NAALADL2: variants seen among roughly 807,000 people sequenced by gnomAD.
NAALADL2 encodes inactive N-acetylated-alpha-linked acidic dipeptidase-like protein 2.
A neutral mutation model predicts 87.2 loss-of-function variants in NAALADL2; 76 were observed. The observed-to-expected ratio is 0.87, with a 90% CI of 0.72 to 1.05. NAALADL2 has a LOEUF of 1.05. Ranked by LOEUF, NAALADL2 falls within the 50% of genes least tolerant of loss-of-function variation. The pLI is 0.00. For synonymous variants in NAALADL2, 354 were observed against 331.0 expected (o/e 1.07, Z -0.75); for missense variants, 1,089 against 945.8 (o/e 1.15, Z -1.99).
chr3:175,152,816 A>G (rs1411432821), intron 2 of NAALADL2, among the ~76,000 whole-genome samples: 1 of 152,068 alleles, frequency 6.6e-6, no homozygotes, highest in Non-Finnish European at 1.5e-5. Context: ...CTGAGGCAGG[A>G]GAATTGCTTG....
chr3:175,297,740 C>A (rs578166311), intron 4 of NAALADL2, among the ~76,000 whole-genome samples: 63 of 152,208 alleles, frequency 4.1e-4, no homozygotes, highest in African/African-American at 1.4e-3. Flanking sequence ...TACTAACATA[C>A]CCACATGTAG....
intron 1 of NAALADL2, among the ~76,000 whole-genome samples, chr3:174,457,087 TAAG>T (rs1366055621): frequency 6.6e-6 from 1 of 151,816 alleles, no homozygotes; most frequent in Non-Finnish European, 1.5e-5. Context: ...ATATGGTCAA[TAAG>T]AATATGAAAA....
intron 1 of NAALADL2, among the ~76,000 whole-genome samples, chr3:174,917,825 C>A (rs2108334712): frequency 6.6e-6 from 1 of 151,884 alleles, no homozygotes; most frequent in African/African-American, 2.4e-5. Flanking sequence ...GATATTTGTG[C>A]ATGTCAGACT....
intron 9 of NAALADL2, among the ~76,000 whole-genome samples, chr3:175,484,989 AGAATG>A (rs1727043846): frequency 6.6e-6 from 1 of 152,186 alleles, no homozygotes; most frequent in Non-Finnish European, 1.5e-5. Flanking sequence ...GTATTGGTTA[AGAATG>A]GGTAACAGTA....
At chr3:175,680,980 G>A (rs911530170) in intron 11 of NAALADL2, among the ~76,000 whole-genome samples, 6 of 152,054 alleles carry the variant, frequency 3.9e-5, no homozygotes, top group Admixed American at 2.6e-4. Flanking sequence ...GGGTGTGGTG[G>A]TGCACACCTG....
intron 3 of NAALADL2, among the ~76,000 whole-genome samples, chr3:174,846,028 T>G (rs1260161990): frequency 1.3e-5 from 2 of 152,128 alleles, no homozygotes; most frequent in African/African-American, 4.8e-5. Context: ...TGTATCCACA[T>G]GGACTCCCAA....
chr3:175,654,980 G>A (rs930256092), intron 11 of NAALADL2, among the ~76,000 whole-genome samples: 1 of 150,488 alleles, frequency 6.6e-6, no homozygotes, highest in Middle Eastern at 3.4e-3. Flanking sequence ...ATTGTTTACT[G>A]GAGAGATGAA....
chr3:174,581,581 G>C (rs527464404), intron 2 of NAALADL2, among the ~76,000 whole-genome samples: 1 of 152,232 alleles, frequency 6.6e-6, no homozygotes, highest in Non-Finnish European at 1.5e-5. Context: ...TTGATACGTA[G>C]GATAATATAT....
At chr3:175,422,803 C>A (rs1257987502) in intron 5 of NAALADL2, among the ~76,000 whole-genome samples, 1 of 151,856 alleles carries the variant, frequency 6.6e-6, no homozygotes, top group Non-Finnish European at 1.5e-5. Context: ...ATTCTAAATT[C>A]ACCTGGTAAT....
At chr3:175,779,281 T>C (rs2150206106) in intron 13 of NAALADL2, among the ~76,000 whole-genome samples, 1 of 152,292 alleles carries the variant, frequency 6.6e-6, no homozygotes, top group Admixed American at 6.5e-5. Context: ...TTACTCTAAA[T>C]AACAAATAGG....
chr3:175,198,857 A>G (rs1368168266), intron 2 of NAALADL2, among the ~76,000 whole-genome samples: 1 of 151,836 alleles, frequency 6.6e-6, no homozygotes, highest in East Asian at 1.9e-4. Flanking sequence ...AAATAAATAC[A>G]GTGAGTTTTG....
intron 2 of NAALADL2, among the ~76,000 whole-genome samples, chr3:174,668,268 A>T (rs1388190193): frequency 6.6e-6 from 1 of 151,994 alleles, no homozygotes; most frequent in Admixed American, 6.6e-5. Context: ...GCCTCTTATT[A>T]TATATATATG....
chr3:175,021,980 T>C (rs772432504), intron 1 of NAALADL2, among the ~76,000 whole-genome samples: 1 of 152,022 alleles, frequency 6.6e-6, no homozygotes, highest in Non-Finnish European at 1.5e-5. Context: ...ATGGCTTGTC[T>C]TCCTCATGGT....
chr3:174,786,609 T>A (rs941704182), intron 3 of NAALADL2, among the ~76,000 whole-genome samples: 23 of 152,006 alleles, frequency 1.5e-4, no homozygotes, highest in Non-Finnish European at 2.9e-4. Flanking sequence ...TTTTTTTGTT[T>A]ATCTTTTTTT....
chr3:174,452,546 A>T (rs995016867), intron 1 of NAALADL2, among the ~76,000 whole-genome samples: 1 of 148,404 alleles, frequency 6.7e-6, no homozygotes, highest in Admixed American at 6.7e-5. Context: ...GTCTGAGAGT[A>T]CCTTAGCCCC....
At chr3:174,758,815 C>T (rs183596112) in intron 3 of NAALADL2, among the ~76,000 whole-genome samples, 178 of 152,282 alleles carry the variant, frequency 1.2e-3, no homozygotes, top group African/African-American at 4.2e-3. Flanking sequence ...TTCATTGGAT[C>T]ATGAGAAAGC....
chr3:174,470,500 T>A (rs764688296), intron 1 of NAALADL2, among the ~76,000 whole-genome samples: 1 of 152,156 alleles, frequency 6.6e-6, no homozygotes, highest in Non-Finnish European at 1.5e-5. Flanking sequence ...AGCTGTCAAT[T>A]TTTGTTTTAG....
chr3:174,951,902 A>G (rs115958047), intron 1 of NAALADL2, among the ~76,000 whole-genome samples: 1,732 of 152,106 alleles, frequency 0.011, 33 homozygotes, highest in African/African-American at 0.04. Flanking sequence ...TTATTCCCCT[A>G]TATCAAACCC....
At chr3:174,539,199 A>G (rs1360743630) in intron 1 of NAALADL2, among the ~76,000 whole-genome samples, 2 of 152,196 alleles carry the variant, frequency 1.3e-5, no homozygotes, top group Non-Finnish European at 2.9e-5. Context: ...AGCAATAACC[A>G]GTATGTCCAA....
Sources: gnomAD v4.1 joint callset for allele counts (sites outside exome capture counted in the v4.1 genomes callset) on GRCh38, gnomAD v4.1.1 for gene constraint, MANE v1.5 for transcripts, NCBI Gene and HGNC (gene_info 2026-07-23, HGNC 2026-07-21) for gene names.